FER: variants seen among roughly 807,000 people sequenced by gnomAD.
FER encodes the protein tyrosine-protein kinase Fer.
FER carries 63 observed loss-of-function variants against 111.0 expected under a neutral mutation model. The observed-to-expected ratio is 0.57, with a 90% CI of 0.46 to 0.70. FER has a LOEUF of 0.70. FER is among the 30% of genes least tolerant of loss of function. The pLI, the probability that FER is intolerant of heterozygous loss-of-function variation, is 0.00. For missense variants in FER, 914 were observed against 954.0 expected, an observed-to-expected ratio of 0.96 and a Z score of 0.55; for synonymous variants, 327 against 313.9, an observed-to-expected ratio of 1.04 and a Z score of -0.44.
In FER at chr5:109,187,770, C is replaced by A; in HGVS notation, c.*195C>A. 1 of 629,962 alleles carries A rather than the reference C, an allele frequency of 1.6e-6. No homozygotes were observed. Among genetic ancestry groups the A allele is most frequent in the Non-Finnish European group, 2.7e-6 (1 of 373,428 alleles). The allele number at this position is 629,962 out of a possible 1,614,324, so 39.0% of individuals were successfully genotyped here. A position where few individuals can be genotyped will look rare whatever the true frequency, so the allele number is the denominator to read the frequency against. On this transcript the variant is annotated 3_prime_UTR_variant, in exon 20 of 20. Transcript: ENST00000281092. ...CAAATTTGTTAAAGAAATAGGCAGT[C>A]CTACCAAGGGCTTTCTTAGCTAACC...
intron 11 of FER, among the ~76,000 whole-genome samples, chr5:108,951,913 A>T (rs3906419): frequency 0.15 from 22,101 of 152,080 alleles, 2,153 homozygotes; most frequent in Non-Finnish European, 0.21. Flanking sequence ...GGAGAAAAAA[A>T]TAATCTCTTT....
intron 2 of FER, among the ~76,000 whole-genome samples, chr5:108,781,394 G>T (rs923329115): frequency 5.3e-5 from 8 of 152,166 alleles, no homozygotes; most frequent in African/African-American, 1.9e-4. Context: ...ATTTCACCAT[G>T]TTGGCCAGGC....
chr5:108,799,846 C>CTTTTTTT (rs112192717), intron 3 of FER, among the ~76,000 whole-genome samples: 1 of 138,952 alleles, frequency 7.2e-6, no homozygotes, highest in African/African-American at 2.7e-5. Flanking sequence ...CTTTTCTTTT[C>CTTTTTTT]TTTTTTTTTT....
intron 6 of FER, 143 bp from the exon 7 acceptor site, chr5:108,871,222 G>A (rs1764567635): frequency 7.3e-6 from 4 of 547,586 alleles, no homozygotes; most frequent in East Asian, 6.0e-5. Flanking sequence ...TACTCTCCAG[G>A]TATGAAATAA....
intron 13 of FER, among the ~76,000 whole-genome samples, chr5:108,969,489 G>A (rs1384704152): frequency 2.6e-5 from 4 of 152,094 alleles, no homozygotes; most frequent in African/African-American, 7.2e-5. Context: ...TTGCTTTTAT[G>A]TGATAAAGAA....
At chr5:108,848,335 A>C (rs1269936202) in intron 5 of FER, among the ~76,000 whole-genome samples, 1 of 152,148 alleles carries the variant, frequency 6.6e-6, no homozygotes, top group Non-Finnish European at 1.5e-5. Flanking sequence ...ACTGTTTATA[A>C]TGTTAGGTTT....
intron 3 of FER, among the ~76,000 whole-genome samples, chr5:108,811,587 T>C (rs938111427): frequency 5.9e-5 from 9 of 152,208 alleles, no homozygotes; most frequent in African/African-American, 2.2e-4. Flanking sequence ...TTAAGTCTTC[T>C]ATTTCTGTAT....
intron 16 of FER, among the ~76,000 whole-genome samples, chr5:109,095,366 C>G (rs1270011987): frequency 2.0e-5 from 3 of 152,024 alleles, no homozygotes; most frequent in Non-Finnish European, 4.4e-5. Flanking sequence ...CCAATTCTAG[C>G]TTATTACTGA....
chr5:108,864,465 A>C (rs1763833841), intron 5 of FER, among the ~76,000 whole-genome samples: 1 of 152,108 alleles, frequency 6.6e-6, no homozygotes, highest in Non-Finnish European at 1.5e-5. Flanking sequence ...GAGATTCTTA[A>C]ATGAGGAATA....
intron 13 of FER, among the ~76,000 whole-genome samples, chr5:108,977,592 T>A (rs1187357855): frequency 6.6e-6 from 1 of 152,232 alleles, no homozygotes; most frequent in Non-Finnish European, 1.5e-5. Context: ...TTGATTTACT[T>A]CTATGTTCCC....
In FER at chr5:109,196,028, C is replaced by T. The variant is rs2126921006; in HGVS notation, c.*8453C>T. The T allele has an allele frequency of 6.6e-6, 1 of 152,224 alleles. No individual in the cohort carries two copies. Among genetic ancestry groups the T allele is most frequent in the East Asian group, 1.9e-4 (1 of 5,186 alleles). The allele number at this position is 152,224 out of a possible 1,614,324, so 9.4% of individuals were successfully genotyped here. On this transcript the variant is annotated 3_prime_UTR_variant, in exon 20 of 20. Coordinates refer to ENST00000281092, the MANE Select transcript of FER (RefSeq NM_005246.4). ...CTGTATAAAGTCATAGACATAGAAC[C>T]ATATGGGAAAGCCCAGATGAAAAAA...
intron 17 of FER, among the ~76,000 whole-genome samples, chr5:109,166,740 G>A (rs1263254530): frequency 1.3e-5 from 2 of 152,114 alleles, no homozygotes; most frequent in Non-Finnish European, 2.9e-5. Context: ...TACTAGGGCT[G>A]GAGAGTATAA....
At chr5:108,925,676 T>C (rs1581226521) in intron 10 of FER, among the ~76,000 whole-genome samples, 1 of 152,108 alleles carries the variant, frequency 6.6e-6, no homozygotes, top group East Asian at 1.9e-4. Context: ...TTATGTATTT[T>C]CTTTATTTTG....
rs1561954043 is a variant in FER at position 109,146,270 on chromosome 5, ATAT to A, written c.2049-34476_2049-34474del. Among the ~76,000 whole-genome samples, 36 of 66,782 alleles carry A rather than the reference ATAT, an allele frequency of 5.4e-4. 1 individual carries two copies. The highest frequency in any genetic ancestry group is 2.1e-3 in the African/African-American group (34 of 16,526). The allele number at this position is 66,782 out of a possible 152,430, so 43.8% of individuals were successfully genotyped here. ...ATCTATCTAATATATATATATATATATATATATATATATATATATATCTTGGGT... is the reference window on the plus strand; with the variant it reads ...ATCTATCTAATATATATATATATATAATATATATATATATATATCTTGGGT... On this transcript the variant is annotated intron_variant, in intron 17 of 19. Coordinates refer to ENST00000281092, the MANE Select transcript of FER (RefSeq NM_005246.4).
chr5:108,859,119 T>C (rs540922130), intron 5 of FER, among the ~76,000 whole-genome samples: 12 of 152,170 alleles, frequency 7.9e-5, no homozygotes, highest in Admixed American at 1.3e-4. Context: ...CTACTAGAAA[T>C]GTATGAATGT....
chr5:108,762,577 A>G (rs959043563), intron 1 of FER, among the ~76,000 whole-genome samples: 1 of 152,186 alleles, frequency 6.6e-6, no homozygotes, highest in Non-Finnish European at 1.5e-5. Flanking sequence ...TAAAAGCTCA[A>G]GTCCTTAAAA....
chr5:109,094,830 T>A (rs1040336049), intron 16 of FER, among the ~76,000 whole-genome samples: 1 of 152,096 alleles, frequency 6.6e-6, no homozygotes, highest in Non-Finnish European at 1.5e-5. Context: ...TCAAATAAAT[T>A]TAGTTCCCTC....
chr5:109,133,051 C>T (rs2126586563), intron 17 of FER, among the ~76,000 whole-genome samples: 1 of 152,212 alleles, frequency 6.6e-6, no homozygotes, highest in African/African-American at 2.4e-5. Context: ...AGAAGATGTT[C>T]ATAGTATTTA....
intron 9 of FER, among the ~76,000 whole-genome samples, chr5:108,891,925 T>C (rs1361691717): frequency 2.0e-5 from 3 of 152,152 alleles, no homozygotes; most frequent in African/African-American, 7.2e-5. Flanking sequence ...TTTGGTTTTT[T>C]TGTCCTTGTG....
Sources: gnomAD v4.1 joint callset for allele counts (sites outside exome capture counted in the v4.1 genomes callset) on GRCh38, gnomAD v4.1.1 for gene constraint, MANE v1.5 for transcripts, NCBI Gene and HGNC (gene_info 2026-07-23, HGNC 2026-07-21) for gene names.